Variants in MRAS observed in about 807,000 individuals in gnomAD.
MRAS encodes the protein ras-related protein M-Ras.
In MRAS, 4 loss-of-function variants were observed where a neutral mutation model predicts 20.9. The ratio of observed to expected loss-of-function variants is 0.19; its 90% CI spans 0.09 to 0.44. The LOEUF is 0.44. Ranked by LOEUF, MRAS falls within the 20% of genes least tolerant of loss-of-function variation. MRAS has a pLI of 0.99. For synonymous variants in MRAS, 98 were observed against 102.9 expected, an observed-to-expected ratio of 0.95 and a Z score of 0.29; for missense variants, 154 against 277.5, an observed-to-expected ratio of 0.56 and a Z score of 3.16.
At chr3:138,386,408 T>C (rs2055015406) in intron 2 of MRAS, among the ~76,000 whole-genome samples, 1 of 152,268 alleles carries the variant, frequency 6.6e-6, no homozygotes, top group Non-Finnish European at 1.5e-5. Flanking sequence ...CACAGTGTTT[T>C]ACAGGTTCGT....
At chr3:138,365,122 G>A (rs1034752614) in intron 1 of MRAS, among the ~76,000 whole-genome samples, 16 of 152,206 alleles carry the variant, frequency 1.1e-4, no homozygotes, top group African/African-American at 3.9e-4. Context: ...TTACTACTCT[G>A]TGTCTCAGTT....
At position 138,373,119 on chromosome 3, in the gene MRAS, T is replaced by C. The variant is rs537796019; in HGVS notation, c.193+43T>C. ...GCCCTGCATTGGGTGGGATAGTAGA[T>C]GGGGAGGATCAGGGAAATTTGACAG... On this transcript the variant is annotated intron_variant, in intron 2 of 5. Transcript: ENST00000423968. 35 of 1,380,726 alleles carry C rather than the reference T, an allele frequency of 2.5e-5. No homozygotes were observed. In the South Asian group the frequency reaches 5.2e-4, roughly 21 times the overall value. 85.5% of individuals were successfully genotyped at this position (1,380,726 alleles called of 1,614,324 possible).
At chr3:138,376,462 T>C (rs938558828) in intron 2 of MRAS, among the ~76,000 whole-genome samples, 4 of 152,232 alleles carry the variant, frequency 2.6e-5, no homozygotes, top group Non-Finnish European at 4.4e-5. Context: ...GCATTATTCC[T>C]AGCATCTAGA....
At chr3:138,401,769 A>T (rs554107277) in intron 5 of MRAS, among the ~76,000 whole-genome samples, 1 of 152,360 alleles carries the variant, frequency 6.6e-6, no homozygotes, top group South Asian at 2.1e-4. Context: ...GTTAACAGAA[A>T]ACATGAAATG....
Position 138,402,581 on chromosome 3 carries a change from T to C in MRAS, c.*312T>C. On this transcript the variant is annotated 3_prime_UTR_variant, in exon 6 of 6. Coordinates refer to ENST00000423968, the MANE Select transcript of MRAS (RefSeq NM_001085049.3). ...CGGTGGGTGTGTTGTTTATTGTAAC[T>C]ACATAGTGTTGGTTTGATGTGGAAG... The C allele has an allele frequency of 3.1e-6, 1 of 323,742 alleles. No individual in the cohort carries two copies. The highest frequency in any genetic ancestry group is 5.7e-6 in the Non-Finnish European group (1 of 176,498). The allele number at this position is 323,742 out of a possible 1,614,324, so 20.1% of individuals were successfully genotyped here. A position where few individuals can be genotyped will look rare whatever the true frequency, so the allele number is the denominator to read the frequency against.
chr3:138,375,399 T>C (rs2108524072), intron 2 of MRAS, among the ~76,000 whole-genome samples: 1 of 152,296 alleles, frequency 6.6e-6, no homozygotes, highest in East Asian at 1.9e-4. Flanking sequence ...ATAGAACGAG[T>C]TTTATTCAAT....
intron 1 of MRAS, among the ~76,000 whole-genome samples, chr3:138,359,269 A>G (rs1171138812): frequency 6.6e-6 from 1 of 151,606 alleles, no homozygotes; most frequent in Non-Finnish European, 1.5e-5. Context: ...CGTCACACCC[A>G]CCTCCAGCCT....
chr3:138,357,569 T>G (rs2054360993), intron 1 of MRAS, among the ~76,000 whole-genome samples: 1 of 152,250 alleles, frequency 6.6e-6, no homozygotes, highest in South Asian at 2.1e-4. Context: ...TTGTAGAAAT[T>G]CTCTGAGGGT....
At chr3:138,365,730 T>C (rs1364893624) in intron 1 of MRAS, among the ~76,000 whole-genome samples, 3 of 152,226 alleles carry the variant, frequency 2.0e-5, no homozygotes, top group Non-Finnish European at 4.4e-5. Flanking sequence ...TAGTTAGATC[T>C]GGGGCAGCAA....
chr3:138,349,898 C>T (rs1205939921), intron 1 of MRAS: 3 of 152,194 alleles, frequency 2.0e-5, no homozygotes, highest in Non-Finnish European at 4.4e-5. Flanking sequence ...TGACAAGACA[C>T]CTCCAGAAGG....
chr3:138,367,639 G>A (rs968280822), intron 1 of MRAS, among the ~76,000 whole-genome samples: 2 of 152,236 alleles, frequency 1.3e-5, no homozygotes, highest in Non-Finnish European at 2.9e-5. Context: ...GGAGGCCCGT[G>A]TGGGTAGAAG....
chr3:138,361,787 C>T lies in MRAS; in HGVS notation c.-18-11079C>T, dbSNP rs540835136. Among the ~76,000 whole-genome samples the T allele has an allele frequency of 1.5e-3, 235 of 152,296 alleles. 1 individual carries two copies. Among genetic ancestry groups the T allele is most frequent in the Admixed American group, 2.7e-3 (42 of 15,304 alleles). ...CCTTCCCTGGTTGAGTGACCACCAG[C>T]ATGACGTTCCCAATTGCACGCAGAT... On this transcript the variant is annotated intron_variant, in intron 1 of 5. Coordinates refer to ENST00000423968, the MANE Select transcript of MRAS (RefSeq NM_001085049.3).
intron 2 of MRAS, among the ~76,000 whole-genome samples, chr3:138,394,198 C>T (rs780207680): frequency 6.6e-6 from 1 of 152,106 alleles, no homozygotes; most frequent in Non-Finnish European, 1.5e-5. Context: ...GCTGTAGGTC[C>T]TGCCTTCTGA....
In MRAS at chr3:138,393,799, C is replaced by G. The variant is rs1260865777; in HGVS notation, c.194-3525C>G. Among the ~76,000 whole-genome samples the G allele has an allele frequency of 2.0e-5, 3 of 152,200 alleles. No individual in the cohort carries two copies. The East Asian group carries it at 5.8e-4, about 29-fold the overall frequency. ...CTGCCTCCTGGGTTCAAGTGACTCT[C>G]CTGCCTCAGCCTCCCGAGTAGCTGG... On this transcript the variant is annotated intron_variant, in intron 2 of 5. Transcript: ENST00000423968.
chr3:138,372,036 C>G (rs2054684652), intron 1 of MRAS, among the ~76,000 whole-genome samples: 1 of 152,160 alleles, frequency 6.6e-6, no homozygotes, highest in East Asian at 1.9e-4. Flanking sequence ...TCAACCTCAG[C>G]ACTATTGACA....
intron 1 of MRAS, among the ~76,000 whole-genome samples, chr3:138,370,010 A>G (rs924352944): frequency 2.0e-5 from 3 of 152,186 alleles, no homozygotes; most frequent in African/African-American, 7.2e-5. Context: ...CCAGCAGAGA[A>G]TGGGAGCTTT....
At position 138,405,036 on chromosome 3, in the gene MRAS, C is replaced by T. The variant is rs1287152607; in HGVS notation, c.*2767C>T. 6.6e-6 allele frequency: 1 copy of T among 152,104 alleles called. No individual in the cohort carries two copies. Among genetic ancestry groups the T allele is most frequent in the African/African-American group, 2.4e-5 (1 of 41,394 alleles). The allele number at this position is 152,104 out of a possible 1,614,324, so 9.4% of individuals were successfully genotyped here. A position where few individuals can be genotyped will look rare whatever the true frequency, so the allele number is the denominator to read the frequency against. On this transcript the variant is annotated 3_prime_UTR_variant, in exon 6 of 6. Transcript: ENST00000423968. ...CCTTAGAGGGCTGCTCTTTTTTTTCCAGAGATAATCCTAGCCATCCTCTCC... is the reference window on the plus strand; with the variant it reads ...CCTTAGAGGGCTGCTCTTTTTTTTCTAGAGATAATCCTAGCCATCCTCTCC...
At chr3:138,375,436 G>A (rs2054764460) in intron 2 of MRAS, among the ~76,000 whole-genome samples, 1 of 152,190 alleles carries the variant, frequency 6.6e-6, no homozygotes, top group African/African-American at 2.4e-5. Flanking sequence ...AGTTAAATTG[G>A]TATTTCTTCC....
At chr3:138,387,996 A>C (rs1355123712) in intron 2 of MRAS, among the ~76,000 whole-genome samples, 1 of 152,148 alleles carries the variant, frequency 6.6e-6, no homozygotes, top group Non-Finnish European at 1.5e-5. Context: ...GGTGTTGAGG[A>C]GGTTGGGGCC....
Sources: allele counts gnomAD v4.1 joint callset (sites outside exome capture counted in the v4.1 genomes callset), GRCh38; gene constraint gnomAD v4.1.1; transcripts MANE v1.5; gene names NCBI Gene and HGNC (gene_info 2026-07-23, HGNC 2026-07-21).